HECW1: variants seen among roughly 807,000 people sequenced by gnomAD.
HECW1 encodes the protein E3 ubiquitin-protein ligase HECW1.
In HECW1, 61 loss-of-function variants were observed where a neutral mutation model predicts 182.3. The observed-to-expected ratio is 0.33, with a 90% CI of 0.27 to 0.41. The LOEUF is 0.41. Among genes scored for constraint, HECW1 ranks in the 10% least tolerant of loss-of-function variants. The probability of loss-of-function intolerance (pLI) is 1.00; values close to 1 mark genes in which losing one functional copy is unlikely to be tolerated. For missense variants in HECW1, 1,739 were observed against 2,108.9 expected, an observed-to-expected ratio of 0.82 and a Z score of 3.44; for synonymous variants, 859 against 832.6, an observed-to-expected ratio of 1.03 and a Z score of -0.55.
chr7:43,169,400 C>T (rs1791450254), intron 2 of HECW1, among the ~76,000 whole-genome samples: 1 of 152,176 alleles, frequency 6.6e-6, no homozygotes, highest in Admixed American at 6.5e-5. Context: ...ACCCACCCCT[C>T]ACCCTTTCTA....
chr7:43,489,562 A>G (rs2078849475), intron 17 of HECW1, among the ~76,000 whole-genome samples: 1 of 152,244 alleles, frequency 6.6e-6, no homozygotes, highest in African/African-American at 2.4e-5. Flanking sequence ...ATGACATCAA[A>G]GTGAGAAGTC....
chr7:43,312,669 A>G (rs1357299845), intron 4 of HECW1, among the ~76,000 whole-genome samples: 1 of 152,214 alleles, frequency 6.6e-6, no homozygotes, highest in Non-Finnish European at 1.5e-5. Context: ...TTCTATGTGA[A>G]TTTTCTCAGG....
At chr7:43,164,951 G>T (rs968878726) in intron 2 of HECW1, among the ~76,000 whole-genome samples, 1 of 152,214 alleles carries the variant, frequency 6.6e-6, no homozygotes. Context: ...GCAGAAGGAT[G>T]AATCAGTGGT....
At chr7:43,510,472 A>G (rs1052923333) in intron 24 of HECW1, among the ~76,000 whole-genome samples, 1 of 152,236 alleles carries the variant, frequency 6.6e-6, no homozygotes, top group Admixed American at 6.5e-5. Context: ...AGCACATAGT[A>G]TGTTCTGGGA....
intron 24 of HECW1, among the ~76,000 whole-genome samples, chr7:43,522,847 T>C (rs2080557905): frequency 6.6e-6 from 1 of 152,150 alleles, no homozygotes; most frequent in Non-Finnish European, 1.5e-5. Context: ...GCAGGGAAAT[T>C]TGATTGTGCC....
chr7:43,226,364 A>G (rs1797426197), intron 2 of HECW1, among the ~76,000 whole-genome samples: 1 of 152,300 alleles, frequency 6.6e-6, no homozygotes, highest in East Asian at 1.9e-4. Context: ...GAAGTCAGGA[A>G]TATCTACCCT....
intron 3 of HECW1, chr7:43,274,050 C>T (rs190276281): frequency 6.3e-5 from 19 of 301,070 alleles, no homozygotes; most frequent in East Asian, 4.2e-4. Flanking sequence ...GGGGTTTTGC[C>T]ATGTTGACCA....
intron 2 of HECW1, among the ~76,000 whole-genome samples, chr7:43,163,504 G>C (rs571562461): frequency 1.3e-5 from 2 of 152,204 alleles, no homozygotes; most frequent in South Asian, 4.2e-4. Flanking sequence ...CACCTCCCTA[G>C]GCTCCCTGAC....
chr7:43,149,227 A>G (rs967133411), intron 2 of HECW1, among the ~76,000 whole-genome samples: 29 of 152,324 alleles, frequency 1.9e-4, no homozygotes, highest in Admixed American at 1.8e-3. Flanking sequence ...ATCAAAGTCA[A>G]TTATCACCAG....
chr7:43,197,291 G>A (rs961534987), intron 2 of HECW1, among the ~76,000 whole-genome samples: 1 of 152,146 alleles, frequency 6.6e-6, no homozygotes, highest in African/African-American at 2.4e-5. Flanking sequence ...TCATTAAGTG[G>A]AAGAGGGAGC....
intron 2 of HECW1, among the ~76,000 whole-genome samples, chr7:43,135,236 G>T (rs1344353473): frequency 4.6e-5 from 7 of 152,074 alleles, no homozygotes; most frequent in Non-Finnish European, 1.0e-4. Context: ...TGACATATTT[G>T]AATCTAATGA....
At chr7:43,478,011 A>G (rs879687911) in intron 16 of HECW1, among the ~76,000 whole-genome samples, 20 of 141,394 alleles carry the variant, frequency 1.4e-4, no homozygotes, top group Admixed American at 3.4e-4. Flanking sequence ...GGTTTTGTTG[A>G]AAAAAAAGGT....
At chr7:43,385,524 GCC>G in intron 6 of HECW1, among the ~76,000 whole-genome samples, 1 of 149,778 alleles carries the variant, frequency 6.7e-6, no homozygotes, top group Admixed American at 6.6e-5. Context: ...TCTTGGTAAA[GCC>G]TGGGGCAGCT....
chr7:43,136,466 T>A (rs548986732), intron 2 of HECW1, among the ~76,000 whole-genome samples: 1 of 152,122 alleles, frequency 6.6e-6, no homozygotes, highest in Non-Finnish European at 1.5e-5. Context: ...GGGCTGAAAT[T>A]ACAGGGAGGT....
chr7:43,430,066 C>T (rs1004496071), intron 8 of HECW1, among the ~76,000 whole-genome samples: 2 of 152,232 alleles, frequency 1.3e-5, no homozygotes, highest in African/African-American at 2.4e-5. Context: ...AGTTTTCCAT[C>T]CTTAACCTTT....
chr7:43,217,047 C>A (rs1355964902), intron 2 of HECW1, among the ~76,000 whole-genome samples: 1 of 151,950 alleles, frequency 6.6e-6, no homozygotes, highest in East Asian at 1.9e-4. Flanking sequence ...CATTAGAGTG[C>A]TTTCGGACAC....
chr7:43,508,889 C>T (rs1235273832), intron 23 of HECW1, 80 bp from the exon 24 acceptor site: 27 of 1,486,284 alleles, frequency 1.8e-5, no homozygotes, highest in Non-Finnish European at 2.5e-5. Context: ...TCTGAAAGGG[C>T]ACACTAGAAT....
At chr7:43,378,992 G>A (rs867900644) in intron 6 of HECW1, among the ~76,000 whole-genome samples, 2 of 152,098 alleles carry the variant, frequency 1.3e-5, no homozygotes, top group Admixed American at 6.5e-5. Context: ...GCTTATGGGG[G>A]GGCGGTGTGC....
intron 6 of HECW1, among the ~76,000 whole-genome samples, chr7:43,383,630 A>T (rs1031180741): frequency 1.3e-5 from 2 of 152,034 alleles, no homozygotes; most frequent in Non-Finnish European, 2.9e-5. Context: ...TGATAGGGTT[A>T]TTTTCTTATA....
Sources: gnomAD v4.1 joint callset for allele counts (sites outside exome capture counted in the v4.1 genomes callset) on GRCh38, gnomAD v4.1.1 for gene constraint, MANE v1.5 for transcripts, NCBI Gene and HGNC (gene_info 2026-07-23, HGNC 2026-07-21) for gene names.